BRWD1: variants seen among roughly 807,000 people sequenced by gnomAD.
The protein encoded by BRWD1 is bromodomain and WD repeat-containing protein 1.
Under a neutral mutation model 251.2 loss-of-function variants are expected in BRWD1, and 82 were observed. The observed-to-expected ratio is 0.33, with a 90% confidence interval of 0.27 to 0.39. The LOEUF (loss-of-function observed/expected upper bound fraction) is 0.39. Among genes scored for constraint, BRWD1 ranks in the 10% least tolerant of loss-of-function variants. The pLI is 1.00. For synonymous variants in BRWD1, 918 were observed against 902.8 expected (o/e 1.02, Z -0.30); for missense variants, 2,233 against 2,711.6 (o/e 0.82, Z 3.92).
chr21:39,205,199 C>T (rs1201999025), intron 37 of BRWD1, among the ~76,000 whole-genome samples: 6 of 152,184 alleles, frequency 3.9e-5, no homozygotes, highest in Non-Finnish European at 5.9e-5. Context: ...ACAGGCTGGG[C>T]GCAGTGGCTC....
intron 15 of BRWD1, among the ~76,000 whole-genome samples, chr21:39,268,345 G>A (rs1568933236): frequency 6.6e-6 from 1 of 151,302 alleles, no homozygotes; most frequent in Non-Finnish European, 1.5e-5. Flanking sequence ...GGAGGCTGAG[G>A]CAGCAGAATC....
rs1046289 is a variant in BRWD1 at position 39,192,768 on chromosome 21, C to G, written c.*3491G>C. The G allele has an allele frequency of 2.0e-6, 2 of 984,808 alleles. No homozygotes were observed. The highest frequency in any genetic ancestry group is 1.1e-4 in the East Asian group (1 of 8,818). The allele number at this position is 984,808 out of a possible 1,614,324, so 61.0% of individuals were successfully genotyped here. A position where few individuals can be genotyped will look rare whatever the true frequency, so the allele number is the denominator to read the frequency against. ...GAGTGGAAAGGAAAACAAAAAAGATCGTAAGCACCTTTAACAATGTTCTTG... is the reference window on the plus strand; with the variant it reads ...GAGTGGAAAGGAAAACAAAAAAGATGGTAAGCACCTTTAACAATGTTCTTG... On this transcript the variant is annotated 3_prime_UTR_variant, in exon 41 of 41. Transcript: ENST00000342449.
At chr21:39,272,856 C>T (rs2035163176) in intron 13 of BRWD1, among the ~76,000 whole-genome samples, 1 of 152,124 alleles carries the variant, frequency 6.6e-6, no homozygotes, top group South Asian at 2.1e-4. Context: ...AGGTGATCCA[C>T]CTGCCTTGGC....
In BRWD1 at chr21:39,196,112, A is replaced by G; in HGVS notation, c.*147T>C. The stretch of plus-strand genomic sequence containing the variant: ...ACCAGCAAGTGCAAATAAAAATAAC[A>G]GTCATGATTTAGTCACATTCATAAC... On this transcript the variant is annotated 3_prime_UTR_variant, in exon 41 of 41. Transcript: ENST00000342449. The G allele has an allele frequency of 7.1e-7, 1 of 1,409,234 alleles. No individual in the cohort carries two copies. The highest frequency in any genetic ancestry group is 9.2e-7 in the Non-Finnish European group (1 of 1,087,764). The allele number at this position is 1,409,234 out of a possible 1,614,324, so 87.3% of individuals were successfully genotyped here.
intron 4 of BRWD1, among the ~76,000 whole-genome samples, chr21:39,308,147 T>C (rs1226348639): frequency 2.6e-5 from 4 of 152,102 alleles, no homozygotes; most frequent in Admixed American, 6.6e-5. Context: ...CTCAAGTCTC[T>C]GTGTAGCCTT....
At chr21:39,299,259 A>AAT (rs1491566538) in intron 4 of BRWD1, among the ~76,000 whole-genome samples, 1 of 126,154 alleles carries the variant, frequency 7.9e-6, no homozygotes, top group Admixed American at 8.6e-5. Context: ...AAAAAAAAAA[A>AAT]ATATATATAT....
At chr21:39,208,602 G>C (rs1178003635) in intron 36 of BRWD1, among the ~76,000 whole-genome samples, 2 of 152,174 alleles carry the variant, frequency 1.3e-5, no homozygotes, top group Non-Finnish European at 2.9e-5. Flanking sequence ...GCCCAGGCTA[G>C]AGTGCAGTGG....
intron 8 of BRWD1, among the ~76,000 whole-genome samples, chr21:39,281,361 C>G (rs1025769484): frequency 3.3e-5 from 5 of 152,138 alleles, no homozygotes; most frequent in African/African-American, 1.2e-4. Context: ...CCTTCTCCCC[C>G]TAGAATGGGG....
At chr21:39,279,096 CA>C (rs969103536) in intron 9 of BRWD1, among the ~76,000 whole-genome samples, 1 of 152,014 alleles carries the variant, frequency 6.6e-6, no homozygotes, top group African/African-American at 2.4e-5. Flanking sequence ...TGTATTTTTA[CA>C]AAATATAAAA....
At chr21:39,320,832 T>G (rs1461726651) in intron 1 of BRWD1, among the ~76,000 whole-genome samples, 1 of 151,870 alleles carries the variant, frequency 6.6e-6, no homozygotes, top group Non-Finnish European at 1.5e-5. Context: ...CACATCCAGC[T>G]AATTTTTGTA....
At chr21:39,310,792 A>G (rs1324364272) in intron 4 of BRWD1, among the ~76,000 whole-genome samples, 2 of 152,162 alleles carry the variant, frequency 1.3e-5, no homozygotes, top group Admixed American at 6.5e-5. Context: ...AGGCAGGTCT[A>G]GAACTCCTGG....
chr21:39,225,279 T>C lies in BRWD1; in HGVS notation c.3209-82A>G, dbSNP rs1340393685. ...TTTTAATCTACAAAATACCATATGATACAGATAAAAAAGCCAAAAGCACAA... is the reference window on the plus strand; with the variant it reads ...TTTTAATCTACAAAATACCATATGACACAGATAAAAAAGCCAAAAGCACAA... On this transcript the variant is annotated intron_variant, in intron 27 of 40. Transcript: ENST00000342449. 9.5e-6 allele frequency: 9 copies of C among 950,278 alleles called. No homozygotes were observed. The African/African-American group carries it at 3.2e-4, about 34-fold the overall frequency. The allele number at this position is 950,278 out of a possible 1,614,324, so 58.9% of individuals were successfully genotyped here.
upstream of BRWD1, chr21:39,313,938 G>C (rs572809134): frequency 3.0e-6 from 1 of 337,880 alleles, no homozygotes; most frequent in African/African-American, 2.3e-5. Context: ...CCAGCAGCGG[G>C]CGGGTGCCGG....
chr21:39,258,503 T>C lies in BRWD1; in HGVS notation c.2055A>G (p.Glu685=). ...ATTTATTACCTCTCCGGGGTGTTTC[T>C]TCACCATTTGAAAGTCCTCTTGGAA... ...DTIPRGLSNG[E]ETPRRGFRRL... Residue 685 remains glutamate, a synonymous_variant, in exon 18 of 41, where the codon GAA becomes GAG. Transcript: ENST00000342449. 6.3e-7 allele frequency: 1 copy of C among 1,599,518 alleles called. No individual in the cohort carries two copies. Among genetic ancestry groups the C allele is most frequent in the East Asian group, 2.2e-5 (1 of 44,472 alleles).
At chr21:39,239,070 T>C (rs1263606935) in intron 21 of BRWD1, among the ~76,000 whole-genome samples, 1 of 152,204 alleles carries the variant, frequency 6.6e-6, no homozygotes, top group Non-Finnish European at 1.5e-5. Context: ...GTTCTTTGTA[T>C]ATTGTGAATA....
rs934817244 is a variant in BRWD1 at position 39,187,382 on chromosome 21, C to T, written c.*8877G>A. 6.3e-7 allele frequency: 1 copy of T among 1,596,406 alleles called. No homozygotes were observed. The highest frequency in any genetic ancestry group is 8.5e-7 in the Non-Finnish European group (1 of 1,172,968). On this transcript the variant is annotated 3_prime_UTR_variant, in exon 41 of 41. Coordinates refer to ENST00000342449, the MANE Select transcript of BRWD1 (RefSeq NM_033656.4). Reference sequence around the variant, plus strand: ...TTCTGATTATGCATACATGTTCTCACTTTTGTATTGGGTTCTCTGTCTCTA... The same window carrying T: ...TTCTGATTATGCATACATGTTCTCATTTTTGTATTGGGTTCTCTGTCTCTA...
intron 15 of BRWD1, among the ~76,000 whole-genome samples, chr21:39,268,529 T>G (rs1212002010): frequency 6.6e-6 from 1 of 151,030 alleles, no homozygotes; most frequent in Non-Finnish European, 1.5e-5. Flanking sequence ...GGACACAATA[T>G]CACTTATGTT....
At chr21:39,254,220 G>A (rs1198725789) in intron 19 of BRWD1, among the ~76,000 whole-genome samples, 7 of 152,146 alleles carry the variant, frequency 4.6e-5, no homozygotes, top group South Asian at 2.1e-4. Context: ...AGCCAAGATC[G>A]TGCCATTGCA....
intron 7 of BRWD1, among the ~76,000 whole-genome samples, chr21:39,295,478 C>T (rs895121388): frequency 6.6e-6 from 1 of 152,062 alleles, no homozygotes; most frequent in Non-Finnish European, 1.5e-5. Context: ...TGAGCCACCG[C>T]GCCCGGCCAG....
Sources: gnomAD v4.1 joint callset for allele counts (sites outside exome capture counted in the v4.1 genomes callset) on GRCh38, gnomAD v4.1.1 for gene constraint, MANE v1.5 for transcripts, NCBI Gene and HGNC (gene_info 2026-07-23, HGNC 2026-07-21) for gene names.